Variants in RBFOX1 observed in about 807,000 individuals in gnomAD.
RBFOX1 encodes the protein RNA binding fox-1 homolog 1, also known as RNA binding protein fox-1 homolog 1.
Under a neutral mutation model 57.7 loss-of-function variants are expected in RBFOX1, and 8 were observed. The ratio of observed to expected loss-of-function variants is 0.14; its 90% CI spans 0.08 to 0.25. The LOEUF is 0.25. RBFOX1 is among the 10% of genes least tolerant of loss of function. The pLI is 1.00. For synonymous variants in RBFOX1, 326 were observed against 222.4 expected (o/e 1.47, Z -4.15); for missense variants, 611 against 548.5 (o/e 1.11, Z -1.14).
chr16:7,577,114 AC>A (rs2093400997), intron 5 of RBFOX1, among the ~76,000 whole-genome samples: 1 of 152,188 alleles, frequency 6.6e-6, no homozygotes, highest in Non-Finnish European at 1.5e-5. Flanking sequence ...TTGATTGTAC[AC>A]TTCTTCATGC....
At chr16:6,802,082 T>G (rs984418193) in intron 3 of RBFOX1, among the ~76,000 whole-genome samples, 3 of 152,058 alleles carry the variant, frequency 2.0e-5, no homozygotes, top group African/African-American at 7.2e-5. Flanking sequence ...CAGTAAAACT[T>G]GTTTAATCCT....
At chr16:5,709,839 ATATATTTTTTTTTTTTTTTTT>A (rs1486028693) in intron 3 of RBFOX1, among the ~76,000 whole-genome samples, 2 of 6,526 alleles carry the variant, frequency 3.1e-4, no homozygotes, top group South Asian at 0.013. Flanking sequence ...ATATATATAT[ATATATTTTTTTTTTTTTTTTT>A]TTTTTTTTTT....
intron 1 of RBFOX1, chr16:5,270,700 C>T (rs979454621): frequency 7.8e-6 from 4 of 511,250 alleles, no homozygotes; most frequent in Non-Finnish European, 7.3e-6. Context: ...CTGAGATGTG[C>T]AGACAAATGA....
intron 3 of RBFOX1, among the ~76,000 whole-genome samples, chr16:7,023,115 G>C (rs1443811637): frequency 6.6e-6 from 1 of 152,148 alleles, no homozygotes; most frequent in African/African-American, 2.4e-5. Flanking sequence ...GTAGGAGAGA[G>C]CTGAGTAAAT....
chr16:7,429,347 C>T (rs962761363), intron 4 of RBFOX1, among the ~76,000 whole-genome samples: 5 of 152,200 alleles, frequency 3.3e-5, no homozygotes, highest in Non-Finnish European at 5.9e-5. Context: ...TCCCTCACCC[C>T]CTTTTCATTC....
intron 2 of RBFOX1, among the ~76,000 whole-genome samples, chr16:6,504,074 G>T (rs559209462): frequency 6.6e-6 from 1 of 151,964 alleles, no homozygotes; most frequent in Non-Finnish European, 1.5e-5. Context: ...TTTGCTTTTT[G>T]GTTCTTTTTT....
chr16:5,906,256 A>T (rs1389175182), intron 4 of RBFOX1, among the ~76,000 whole-genome samples: 1 of 152,194 alleles, frequency 6.6e-6, no homozygotes, highest in East Asian at 1.9e-4. Flanking sequence ...GTCATCCGGG[A>T]GTAGGGTGGG....
intron 4 of RBFOX1, among the ~76,000 whole-genome samples, chr16:7,081,155 C>T (rs2153797310): frequency 6.6e-6 from 1 of 152,334 alleles, no homozygotes; most frequent in South Asian, 2.1e-4. Context: ...CTGCCTCAGC[C>T]TCCCAAGTAG....
At chr16:5,439,214 G>C (rs1177353893) in intron 1 of RBFOX1, among the ~76,000 whole-genome samples, 1 of 152,056 alleles carries the variant, frequency 6.6e-6, no homozygotes. Flanking sequence ...ATGTGGTATG[G>C]AATGTGAGTC....
At chr16:5,833,494 CAAA>C (rs1183168830) in intron 3 of RBFOX1, among the ~76,000 whole-genome samples, 5 of 59,562 alleles carry the variant, frequency 8.4e-5, no homozygotes, top group Admixed American at 2.0e-4. Context: ...GACTCTATCT[CAAA>C]AAAAAAAAAA....
intron 9 of RBFOX1, among the ~76,000 whole-genome samples, chr16:7,603,092 T>G (rs2095124760): frequency 6.6e-6 from 1 of 152,070 alleles, no homozygotes; most frequent in Non-Finnish European, 1.5e-5. Context: ...AATCAAAAAG[T>G]GTATAGTAAT....
At chr16:5,958,287 C>A (rs1219965443) in intron 4 of RBFOX1, among the ~76,000 whole-genome samples, 3 of 152,166 alleles carry the variant, frequency 2.0e-5, no homozygotes, top group African/African-American at 4.8e-5. Context: ...GCATTATTTG[C>A]TAATTGTATC....
rs554924610 is a variant in RBFOX1 at position 5,994,692 on chromosome 16, T to G, written c.351+127357T>G. ...TGGCAATGAGTGTGTGTGGCTGTGT[T>G]CCAATAAAACTTTATTTGAGAAATC... On this transcript the variant is annotated intron_variant, in intron 4 of 19. Transcript: ENST00000641259. Among the ~76,000 whole-genome samples the G allele has an allele frequency of 2.6e-5, 4 of 152,306 alleles. No homozygotes were observed. In the East Asian group the frequency reaches 7.7e-4, roughly 29 times the overall value.
intron 4 of RBFOX1, among the ~76,000 whole-genome samples, chr16:7,139,967 C>T (rs368576846): frequency 1.3e-5 from 2 of 152,022 alleles, no homozygotes; most frequent in Non-Finnish European, 2.9e-5. Flanking sequence ...GTTTTAGTTG[C>T]TGACTTGATA....
chr16:6,553,846 T>A (rs1306922169), intron 2 of RBFOX1, among the ~76,000 whole-genome samples: 4 of 152,148 alleles, frequency 2.6e-5, no homozygotes, highest in Non-Finnish European at 5.9e-5. Context: ...AATCTCATCA[T>A]GAATTGACAA....
chr16:7,695,822 T>C lies in RBFOX1; in HGVS notation c.996-13234T>C, dbSNP rs80062777. Among the ~76,000 whole-genome samples the C allele has an allele frequency of 9.4e-3, 1,432 of 152,112 alleles. 4 individuals are homozygous for C. The highest frequency in any genetic ancestry group is 0.016 in the Non-Finnish European group (1,104 of 67,996). On this transcript the variant is annotated intron_variant, in intron 14 of 15. Transcript: ENST00000550418. ...AAAAGACAAGTTCTCTATTTTTAAATGGAGAAAAAAAAATCAACATGCTTA... is the reference window on the plus strand; with the variant it reads ...AAAAGACAAGTTCTCTATTTTTAAACGGAGAAAAAAAAATCAACATGCTTA...
intron 14 of RBFOX1, among the ~76,000 whole-genome samples, chr16:7,704,754 A>G (rs942740081): frequency 2.0e-5 from 3 of 152,186 alleles, no homozygotes; most frequent in African/African-American, 4.8e-5. Flanking sequence ...GTGCCCTTAA[A>G]AATAAGAGCA....
chr16:5,735,147 A>G (rs2052526284), intron 3 of RBFOX1, among the ~76,000 whole-genome samples: 1 of 152,170 alleles, frequency 6.6e-6, no homozygotes, highest in Admixed American at 6.5e-5. Flanking sequence ...CTGTGGTCAC[A>G]GAGATATTAC....
chr16:7,296,272 T>C lies in RBFOX1; in HGVS notation c.28-221875T>C, dbSNP rs1337505761. Among the ~76,000 whole-genome samples, 7 of 152,092 alleles carry C rather than the reference T, an allele frequency of 4.6e-5. No individual in the cohort carries two copies. The East Asian group carries it at 9.7e-4, about 21-fold the overall frequency. The stretch of plus-strand genomic sequence containing the variant: ...GATTATGTCCTCCTTTTTTTTTTTT[T>C]TTTTGCATTTTCGTGTAAAATGCTG... On this transcript the variant is annotated intron_variant, in intron 4 of 15. Coordinates refer to ENST00000550418, the MANE Select transcript of RBFOX1 (RefSeq NM_018723.4).
Sources: gnomAD v4.1 joint callset for allele counts (sites outside exome capture counted in the v4.1 genomes callset) on GRCh38, gnomAD v4.1.1 for gene constraint, MANE v1.5 for transcripts, NCBI Gene and HGNC (gene_info 2026-07-23, HGNC 2026-07-21) for gene names.